Variants in FHOD3 observed in about 807,000 individuals in gnomAD.
FHOD3 encodes formin homology 2 domain containing 3, also known as FH1/FH2 domain-containing protein 3.
FHOD3 carries 90 observed loss-of-function variants against 173.0 expected under a neutral mutation model. The observed-to-expected ratio is 0.52, with a 90% CI of 0.44 to 0.62. FHOD3 has a LOEUF of 0.62. FHOD3 is among the 20% of genes least tolerant of loss of function. The pLI is 0.00. For synonymous variants in FHOD3, 828 were observed against 823.0 expected (o/e 1.01, Z -0.10); for missense variants, 1,945 against 2,034.7 (o/e 0.96, Z 0.85).
chr18:36,431,785 G>A (rs907549379), intron 3 of FHOD3, among the ~76,000 whole-genome samples: 1 of 152,196 alleles, frequency 6.6e-6, no homozygotes, highest in African/African-American at 2.4e-5. Flanking sequence ...AAGGCCCAAG[G>A]AAGTTTCCAG....
chr18:36,499,295 G>A (rs1454329185), intron 3 of FHOD3, among the ~76,000 whole-genome samples: 2 of 152,074 alleles, frequency 1.3e-5, no homozygotes, highest in Non-Finnish European at 2.9e-5. Context: ...ATAGAGACGG[G>A]CTTTCACCAT....
chr18:36,297,740 C>G lies in FHOD3; in HGVS notation c.-96C>G, dbSNP rs964125204. On this transcript the variant is annotated 5_prime_UTR_variant, in exon 1 of 29. Coordinates refer to ENST00000590592, the MANE Select transcript of FHOD3 (RefSeq NM_001281740.3). ...GCCTGCGAGTCCGCGAGCCAGCGAG[C>G]TGCGGCTGCGGCCTCCCCTGCGCGC... 10 of 1,003,138 alleles carry G rather than the reference C, an allele frequency of 1.0e-5. No homozygotes were observed. Among genetic ancestry groups the G allele is most frequent in the African/African-American group, 1.7e-5 (1 of 57,688 alleles). The allele number at this position is 1,003,138 out of a possible 1,614,324, so 62.1% of individuals were successfully genotyped here.
intron 1 of FHOD3, among the ~76,000 whole-genome samples, chr18:36,314,400 T>A (rs532527708): frequency 7.9e-5 from 12 of 152,158 alleles, no homozygotes; most frequent in Non-Finnish European, 1.8e-4. Flanking sequence ...AAGCAGCAAG[T>A]GGCACTAGAG....
At position 36,512,455 on chromosome 18, in the gene FHOD3, G is replaced by T; in HGVS notation, c.423G>T (p.Val141=). 1 of 1,613,886 alleles carries T rather than the reference G, an allele frequency of 6.2e-7. No homozygotes were observed. Among genetic ancestry groups the T allele is most frequent in the East Asian group, 2.2e-5 (1 of 44,876 alleles). Residue 141 remains valine (V), a synonymous_variant, in exon 5 of 29, where the codon GTG becomes GTT. Coordinates refer to ENST00000590592, the MANE Select transcript of FHOD3 (RefSeq NM_001281740.3). ...CCTGCCAGGATGACAAGGATTTGGT[G>T]CATGAATTTGTAGTGGCTGAAGGTC... The part of the protein sequence containing the change: ...KQIFQDDKDL[V]HEFVVAEGLT...
At chr18:36,370,292 G>A (rs2047116741) in intron 2 of FHOD3, among the ~76,000 whole-genome samples, 1 of 151,904 alleles carries the variant, frequency 6.6e-6, no homozygotes, top group South Asian at 2.1e-4. Flanking sequence ...TGAAGCAGAG[G>A]AATTGTAAGT....
intron 3 of FHOD3, among the ~76,000 whole-genome samples, chr18:36,380,514 T>G (rs1230978917): frequency 6.8e-6 from 1 of 146,564 alleles, no homozygotes; most frequent in South Asian, 2.4e-4. Flanking sequence ...CCTGCCTCCT[T>G]TCCTCTCTCC....
rs546348711 is a variant in FHOD3 at position 36,319,186 on chromosome 18, A to T, written c.165+21186A>T. 2.6e-5 allele frequency among the ~76,000 whole-genome samples: 4 copies of T among 152,166 alleles called. 1 individual carries two copies. In the South Asian group the frequency reaches 8.3e-4, roughly 32 times the overall value. ...CAGTGATATTGGCCTAAAATTGGAT[A>T]AAGAGTCAAGACCCATTGGTGTGCT... is the stretch of plus-strand genomic sequence containing the variant. On this transcript the variant is annotated intron_variant, in intron 1 of 28. Coordinates refer to ENST00000590592, the MANE Select transcript of FHOD3 (RefSeq NM_001281740.3).
At chr18:36,513,141 G>GT (rs569489285) in intron 5 of FHOD3, among the ~76,000 whole-genome samples, 8 of 149,310 alleles carry the variant, frequency 5.4e-5, no homozygotes, top group African/African-American at 1.5e-4. Context: ...ATAGTCATAG[G>GT]TTTTTTTGTG....
At chr18:36,537,675 A>C (rs1424078518) in intron 5 of FHOD3, among the ~76,000 whole-genome samples, 2 of 152,200 alleles carry the variant, frequency 1.3e-5, no homozygotes, top group African/African-American at 4.8e-5. Context: ...AATATGCACC[A>C]AACAACAGAG....
chr18:36,353,057 G>A (rs1379174475), intron 1 of FHOD3, among the ~76,000 whole-genome samples: 1 of 152,202 alleles, frequency 6.6e-6, no homozygotes, highest in Non-Finnish European at 1.5e-5. Flanking sequence ...AGTAGGGGAG[G>A]CAGCTCCTGT....
intron 2 of FHOD3, among the ~76,000 whole-genome samples, chr18:36,356,717 C>T (rs62084134): frequency 0.14 from 21,503 of 151,452 alleles, 1,961 homozygotes; most frequent in South Asian, 0.33. Flanking sequence ...CTCACTGCAA[C>T]CTCTGTCTCC....
chr18:36,403,505 T>C lies in FHOD3; in HGVS notation c.337+30761T>C, dbSNP rs548276953. Among the ~76,000 whole-genome samples the C allele has an allele frequency of 2.6e-5, 4 of 152,276 alleles. No homozygotes were observed. The South Asian group carries it at 6.2e-4, about 24-fold the overall frequency. On this transcript the variant is annotated intron_variant, in intron 3 of 28. Coordinates refer to ENST00000590592, the MANE Select transcript of FHOD3 (RefSeq NM_001281740.3). ...GTGCCGGGGTTACTTGACCCATACA[T>C]GCTCTCAGAATGGAACTTATCACTT...
intron 1 of FHOD3, among the ~76,000 whole-genome samples, chr18:36,340,786 A>G (rs1258483303): frequency 1.3e-5 from 2 of 151,444 alleles, no homozygotes; most frequent in African/African-American, 4.9e-5. Flanking sequence ...ACAGGCCCCC[A>G]CCACCACGCC....
At chr18:36,453,404 T>C (rs939460156) in intron 3 of FHOD3, among the ~76,000 whole-genome samples, 2 of 152,240 alleles carry the variant, frequency 1.3e-5, no homozygotes, top group Admixed American at 1.3e-4. Context: ...AAGTAGGAAC[T>C]GGATCTTCAA....
intron 3 of FHOD3, among the ~76,000 whole-genome samples, chr18:36,493,302 G>A (rs544489789): frequency 6.1e-5 from 9 of 148,422 alleles, no homozygotes; most frequent in Non-Finnish European, 8.9e-5. Flanking sequence ...TCCAAAGTCC[G>A]ACCAAGCAAT....
chr18:36,492,180 G>A (rs1220386055), intron 3 of FHOD3, among the ~76,000 whole-genome samples: 1 of 152,150 alleles, frequency 6.6e-6, no homozygotes, highest in African/African-American at 2.4e-5. Context: ...AGATGCTGGG[G>A]ACACTATTTT....
At chr18:36,725,540 T>C (rs1035616031) in intron 19 of FHOD3, among the ~76,000 whole-genome samples, 17 of 152,162 alleles carry the variant, frequency 1.1e-4, no homozygotes, top group African/African-American at 3.9e-4. Flanking sequence ...GGACCGTCAC[T>C]GAGAATGTCT....
chr18:36,674,977 T>C (rs1039546036), intron 14 of FHOD3, among the ~76,000 whole-genome samples: 21 of 152,214 alleles, frequency 1.4e-4, no homozygotes, highest in African/African-American at 4.8e-4. Flanking sequence ...CTGGGGATTT[T>C]TGAATGCCAA....
intron 14 of FHOD3, among the ~76,000 whole-genome samples, chr18:36,662,964 T>C (rs1469667563): frequency 1.3e-5 from 2 of 152,224 alleles, no homozygotes; most frequent in African/African-American, 4.8e-5. Flanking sequence ...TTTTTCTCAT[T>C]GTATTATTGA....
Sources: allele counts gnomAD v4.1 joint callset (sites outside exome capture counted in the v4.1 genomes callset), GRCh38; gene constraint gnomAD v4.1.1; transcripts MANE v1.5; gene names NCBI Gene and HGNC (gene_info 2026-07-23, HGNC 2026-07-21).